RNF125: variants seen among roughly 807,000 people sequenced by gnomAD.
RNF125 encodes the protein ring finger protein 125, also known as E3 ubiquitin-protein ligase RNF125.
RNF125 carries 21 observed loss-of-function variants against 26.0 expected under a neutral mutation model. The ratio of observed to expected loss-of-function variants is 0.81; its 90% CI spans 0.57 to 1.16. The LOEUF (loss-of-function observed/expected upper bound fraction) is 1.16, where lower values mean the gene tolerates loss of function less well. RNF125 is among the 50% of genes most tolerant of loss of function. The probability of loss-of-function intolerance (pLI) is 0.00; values close to 1 mark genes in which losing one functional copy is unlikely to be tolerated. For synonymous variants in RNF125, 95 were observed against 109.2 expected (o/e 0.87, Z 0.81); for missense variants, 270 against 299.4 (o/e 0.90, Z 0.72).
intron 1 of RNF125, among the ~76,000 whole-genome samples, chr18:32,021,138 T>G (rs1279110468): frequency 6.6e-6 from 1 of 152,140 alleles, no homozygotes; most frequent in Non-Finnish European, 1.5e-5. Flanking sequence ...TGGAGTGCAG[T>G]GGCACGATCT....
intron 1 of RNF125, among the ~76,000 whole-genome samples, chr18:32,023,792 C>T (rs2039007152): frequency 1.3e-5 from 2 of 152,116 alleles, no homozygotes; most frequent in South Asian, 2.1e-4. Context: ...TGCAGTGGCT[C>T]ATGCCTGTAA....
At chr18:32,030,286 G>A (rs796568950) in intron 1 of RNF125, among the ~76,000 whole-genome samples, 63 of 151,992 alleles carry the variant, frequency 4.1e-4, no homozygotes, top group Admixed American at 1.2e-3. Context: ...CAGGTGATCC[G>A]CCCGCCTCTC....
rs200015696 is a variant in RNF125, at chr18:32,065,928, C to T, written c.531C>T (p.Pro177=). ...PVFCPLCRLI[P]DENPSSFSGS... ...TCTGTCCACTTTGCCGTTTAATACC[C>T]GATGAGAATCCAAGCAGCTTCAGTG... is the stretch of plus-strand genomic sequence containing the variant. The change falls in exon 5 of 6, where the codon CCC becomes CCT. Residue 177 remains proline (P), a synonymous_variant. Coordinates refer to ENST00000217740, the MANE Select transcript of RNF125 (RefSeq NM_017831.4). The T allele has an allele frequency of 5.3e-5, 86 of 1,613,460 alleles. No homozygotes were observed. The highest frequency in any genetic ancestry group is 4.2e-4 in the Admixed American group (25 of 60,006).
downstream of RNF125, among the ~76,000 whole-genome samples, chr18:32,074,087 A>G (rs1167090456): frequency 1.3e-5 from 2 of 152,178 alleles, no homozygotes; most frequent in African/African-American, 4.8e-5. Context: ...ATTATGGTAC[A>G]ATTACAAGTC....
Position 32,073,056 on chromosome 18 carries a change from A to G in RNF125, c.*4672A>G, listed in dbSNP as rs2039546793. 6.9e-6 allele frequency: 1 copy of G among 145,158 alleles called. No homozygotes were observed. Among genetic ancestry groups the G allele is most frequent in the African/African-American group, 2.6e-5 (1 of 38,310 alleles). The allele number at this position is 145,158 out of a possible 1,614,324, so 9.0% of individuals were successfully genotyped here. A position where few individuals can be genotyped will look rare whatever the true frequency, so the allele number is the denominator to read the frequency against. ...GAAGGTATTTTAAAAAGTCACTAAG[A>G]GATTCATTCTTTTATTATTCAACTA... On this transcript the variant is annotated 3_prime_UTR_variant, in exon 6 of 6. Coordinates refer to ENST00000217740, the MANE Select transcript of RNF125 (RefSeq NM_017831.4).
chr18:32,085,700 CAAAAAAAA>C, the RNF125 span, among the ~76,000 whole-genome samples: 6 of 62,758 alleles, frequency 9.6e-5, no homozygotes, highest in East Asian at 6.5e-4. Flanking sequence ...AACGACTTAT[CAAAAAAAA>C]AAAAAAAAAA....
intron 3 of RNF125, among the ~76,000 whole-genome samples, chr18:32,044,565 G>C (rs1296695739): frequency 6.6e-6 from 1 of 151,702 alleles, no homozygotes; most frequent in Non-Finnish European, 1.5e-5. Flanking sequence ...TTTTGAGATA[G>C]AGTTTCACGC....
chr18:32,040,316 G>A (rs1413062004), intron 2 of RNF125, among the ~76,000 whole-genome samples: 3 of 132,246 alleles, frequency 2.3e-5, no homozygotes, highest in Non-Finnish European at 4.6e-5. Flanking sequence ...CTGTCACCCA[G>A]GCTGTAGTGC....
chr18:32,086,687 A>G, the RNF125 span, among the ~76,000 whole-genome samples: 4 of 151,824 alleles, frequency 2.6e-5, no homozygotes, highest in African/African-American at 9.7e-5. Flanking sequence ...CACCCAGCTA[A>G]TTTTGTATTT....
downstream of RNF125, chr18:32,076,140 C>A: frequency 3.4e-6 from 2 of 583,314 alleles, no homozygotes; most frequent in Admixed American, 2.3e-5. Flanking sequence ...CCAATGTAAC[C>A]ATGCTTCATT....
At chr18:32,044,266 G>T (rs2039247326) in intron 3 of RNF125, among the ~76,000 whole-genome samples, 1 of 152,072 alleles carries the variant, frequency 6.6e-6, no homozygotes, top group African/African-American at 2.4e-5. Flanking sequence ...CGGCCTCCCA[G>T]AGTGCTGGGA....
chr18:32,044,014 C>A (rs1396200162), intron 3 of RNF125, among the ~76,000 whole-genome samples: 2 of 149,204 alleles, frequency 1.3e-5, no homozygotes, highest in African/African-American at 4.9e-5. Flanking sequence ...CTTTTCTTTT[C>A]TTTTCTTTTT....
At chr18:32,073,356 G>A (rs940153373), downstream of RNF125, 1 of 152,136 alleles carries the variant, frequency 6.6e-6, no homozygotes, top group South Asian at 2.1e-4. Context: ...GCAGACATTG[G>A]CAATGTCTAG....
At chr18:32,049,688 T>C (rs2039305533) in intron 4 of RNF125, among the ~76,000 whole-genome samples, 1 of 151,984 alleles carries the variant, frequency 6.6e-6, no homozygotes, top group Non-Finnish European at 1.5e-5. Flanking sequence ...CAGGAGCAGA[T>C]TGTTCAGAAA....
chr18:32,027,157 G>C (rs1166622731), intron 1 of RNF125, among the ~76,000 whole-genome samples: 1 of 151,472 alleles, frequency 6.6e-6, no homozygotes, highest in South Asian at 2.1e-4. Context: ...CTTGTTCCCT[G>C]AAAGGGAATT....
chr18:32,062,113 T>A (rs2039440709), intron 4 of RNF125, among the ~76,000 whole-genome samples: 1 of 152,212 alleles, frequency 6.6e-6, no homozygotes, highest in Non-Finnish European at 1.5e-5. Flanking sequence ...TTACAGCTAC[T>A]CTACAAGGCA....
At chr18:32,042,846 A>T (rs2039233960) in intron 3 of RNF125, among the ~76,000 whole-genome samples, 1 of 150,918 alleles carries the variant, frequency 6.6e-6, no homozygotes, top group Non-Finnish European at 1.5e-5. Flanking sequence ...TTTATTCTTT[A>T]AAAAAAGAGA....
At chr18:32,086,476 C>T in the RNF125 span, among the ~76,000 whole-genome samples, 2 of 151,490 alleles carry the variant, frequency 1.3e-5, no homozygotes. Flanking sequence ...CTCAGTCTCC[C>T]GAGTAGCTGG....
Position 32,071,524 on chromosome 18 carries a change from T to C in RNF125, c.*3140T>C, listed in dbSNP as rs893163932. The C allele has an allele frequency of 6.6e-6, 1 of 152,242 alleles. No homozygotes were observed. Among genetic ancestry groups the C allele is most frequent in the Non-Finnish European group, 1.5e-5 (1 of 68,048 alleles). The allele number at this position is 152,242 out of a possible 1,614,324, so 9.4% of individuals were successfully genotyped here. On this transcript the variant is annotated 3_prime_UTR_variant, in exon 6 of 6. Coordinates refer to ENST00000217740, the MANE Select transcript of RNF125 (RefSeq NM_017831.4). ...CAGGGCATAGATTAGTATCTCCATC[T>C]TGTAAGGATGCAAAGAAGCCATGAA...
Sources: gnomAD v4.1 joint callset for allele counts (sites outside exome capture counted in the v4.1 genomes callset) on GRCh38, gnomAD v4.1.1 for gene constraint, MANE v1.5 for transcripts, NCBI Gene and HGNC (gene_info 2026-07-23, HGNC 2026-07-21) for gene names.